ANTXRL: variants seen among roughly 807,000 people sequenced by gnomAD.
The protein encoded by ANTXRL is anthrax toxin receptor-like.
ANTXRL carries 63 observed loss-of-function variants against 75.4 expected under a neutral mutation model. The observed-to-expected ratio is 0.84, with a 90% confidence interval of 0.68 to 1.03. ANTXRL has a LOEUF of 1.03. Ranked by LOEUF, ANTXRL falls within the 50% of genes least tolerant of loss-of-function variation. ANTXRL has a pLI of 0.00. For synonymous variants in ANTXRL, 335 were observed against 291.3 expected (o/e 1.15, Z -1.53); for missense variants, 797 against 789.4 (o/e 1.01, Z -0.12).
At chr10:46,314,612 C>T (rs542446205) in intron 16 of ANTXRL, among the ~76,000 whole-genome samples, 147 of 151,972 alleles carry the variant, frequency 9.7e-4, no homozygotes, top group Non-Finnish European at 1.6e-3. Flanking sequence ...TTCCCAAGGG[C>T]AGCTCTTTGA....
chr10:46,315,154 G>A (rs1277294205), intron 16 of ANTXRL, among the ~76,000 whole-genome samples: 24 of 152,212 alleles, frequency 1.6e-4, no homozygotes, highest in Admixed American at 1.3e-3. Flanking sequence ...CCGTTTCAGA[G>A]CCACAGGGTC....
chr10:46,311,875 C>T (rs1838448884), intron 15 of ANTXRL, among the ~76,000 whole-genome samples: 1 of 151,996 alleles, frequency 6.6e-6, no homozygotes, highest in South Asian at 2.1e-4. Context: ...CTGTCCCCTG[C>T]ACCACCGGGT....
At chr10:46,295,878 G>A in intron 3 of ANTXRL, 141 bp from the exon 4 acceptor site, 1 of 718,206 alleles carries the variant, frequency 1.4e-6, no homozygotes, top group Admixed American at 2.2e-5. Flanking sequence ...AATGAGGAAT[G>A]AGGAGGACAA....
Position 46,307,414 on chromosome 10 carries a change from T to C in ANTXRL, c.978T>C (p.Ile326=), listed in dbSNP as rs1554962193. 6 of 1,535,992 alleles carry C rather than the reference T, an allele frequency of 3.9e-6. No individual in the cohort carries two copies. Among genetic ancestry groups the C allele is most frequent in the Non-Finnish European group, 5.2e-6 (6 of 1,146,560 alleles). The change falls in exon 12 of 17, where the codon ATT becomes ATC. Residue 326 remains isoleucine (I), a synonymous_variant. Coordinates refer to ENST00000620264, the MANE Select transcript of ANTXRL (RefSeq NM_001278688.3). The stretch of plus-strand genomic sequence containing the variant: ...TTCTATGCTTTAGGGAGTACTCTAT[T>C]GAAGTCAGCTTGAACAAAGGCAAAA... ...KLEKPGEEYS[I]EVSLNKGKTF...
chr10:46,322,117 C>T (rs1467040599), intron 16 of ANTXRL, among the ~76,000 whole-genome samples: 5 of 151,886 alleles, frequency 3.3e-5, no homozygotes, highest in African/African-American at 1.2e-4. Context: ...ATCAGCTTTC[C>T]CACATGGGAA....
At chr10:46,306,141 G>A (rs1838069449) in intron 10 of ANTXRL, among the ~76,000 whole-genome samples, 1 of 152,154 alleles carries the variant, frequency 6.6e-6, no homozygotes, top group Non-Finnish European at 1.5e-5. Context: ...TCAGCCCCAA[G>A]CACCTTTACC....
chr10:46,318,031 C>T (rs1299215686), intron 16 of ANTXRL, among the ~76,000 whole-genome samples: 1 of 152,124 alleles, frequency 6.6e-6, no homozygotes, highest in African/African-American at 2.4e-5. Context: ...CAACCCTGCT[C>T]CTCTTCATCA....
intron 1 of ANTXRL, among the ~76,000 whole-genome samples, chr10:46,290,355 G>C (rs74368641): frequency 3.3e-5 from 5 of 152,076 alleles, no homozygotes; most frequent in South Asian, 2.1e-4. Context: ...TTATCTTTTC[G>C]TCTGTTGATG....
intron 9 of ANTXRL, among the ~76,000 whole-genome samples, chr10:46,302,347 A>G (rs1837802199): frequency 1.3e-5 from 2 of 152,256 alleles, no homozygotes; most frequent in South Asian, 2.1e-4. Context: ...TACACCTGAC[A>G]TCAGGGAGGG....
intron 16 of ANTXRL, among the ~76,000 whole-genome samples, chr10:46,327,448 C>T (rs564444061): frequency 3.3e-5 from 5 of 152,112 alleles, no homozygotes; most frequent in Admixed American, 1.3e-4. Flanking sequence ...GGAGCCCAAT[C>T]GGGCATGAAG....
intron 11 of ANTXRL, 48 bp downstream of exon 11, chr10:46,306,920 G>A (rs1554962066): frequency 6.8e-7 from 1 of 1,460,060 alleles, no homozygotes; most frequent in Non-Finnish European, 9.1e-7. Flanking sequence ...CAGGGAGTCA[G>A]GGTTGGGCAC....
chr10:46,295,902 G>T (rs35544747), intron 3 of ANTXRL, 117 bp from the exon 4 acceptor site: 6 of 824,244 alleles, frequency 7.3e-6, no homozygotes, highest in Admixed American at 4.1e-5. Context: ...CCTTGCCTGG[G>T]CCCCTCCTTC....
chr10:46,293,917 G>A lies in ANTXRL; in HGVS notation c.392+17G>A. On this transcript the variant is annotated intron_variant, in intron 3 of 16. Coordinates refer to ENST00000620264, the MANE Select transcript of ANTXRL (RefSeq NM_001278688.3). ...CTCAGACAAGTGAGTGCTGCTTTGA[G>A]CCCCAAAGGGAGGCCTGATGAGCTT... 6.5e-7 allele frequency: 1 copy of A among 1,535,050 alleles called. No individual in the cohort carries two copies. The highest frequency in any genetic ancestry group is 8.7e-7 in the Non-Finnish European group (1 of 1,146,146).
intron 16 of ANTXRL, among the ~76,000 whole-genome samples, chr10:46,321,795 C>T (rs1191913450): frequency 3.9e-5 from 6 of 152,192 alleles, no homozygotes; most frequent in African/African-American, 1.4e-4. Context: ...GTGACTATTT[C>T]GTAAGGTATC....
intron 7 of ANTXRL, 64 bp downstream of exon 7, chr10:46,297,538 C>A: frequency 6.7e-7 from 1 of 1,488,886 alleles, no homozygotes; most frequent in Non-Finnish European, 9.0e-7. Context: ...AGCCAACCGT[C>A]CCGGGCCACC....
At chr10:46,294,044 C>T (rs1837219541) in intron 3 of ANTXRL, 144 bp downstream of exon 3, 4 of 689,230 alleles carry the variant, frequency 5.8e-6, no homozygotes, top group African/African-American at 5.4e-5. Context: ...CAGTACCCAC[C>T]TGACCTTAGC....
intron 1 of ANTXRL, among the ~76,000 whole-genome samples, chr10:46,290,419 G>A (rs79271291): frequency 1.3e-5 from 2 of 152,056 alleles, no homozygotes; most frequent in Admixed American, 1.3e-4. Flanking sequence ...TGCTATGAAC[G>A]CTGGTGTATA....
In ANTXRL at chr10:46,297,537, TC is replaced by T. The variant is rs1837454292; in HGVS notation, c.654+66del. On this transcript the variant is annotated intron_variant, in intron 7 of 16. Transcript: ENST00000620264. ...CTAGTGGTCACTTTCGAGCCAACCG[TC>T]CCGGGCCACCCCAAGGACGGTTGTC... The T allele has an allele frequency of 3.3e-6, 5 of 1,495,548 alleles. No homozygotes were observed. The Admixed American group carries it at 1.0e-4, about 30-fold the overall frequency. 92.6% of individuals were successfully genotyped at this position (1,495,548 alleles called of 1,614,324 possible).
intron 14 of ANTXRL, 46 bp from the exon 15 acceptor site, chr10:46,311,464 G>C: frequency 6.7e-7 from 1 of 1,494,828 alleles, no homozygotes; most frequent in Non-Finnish European, 8.9e-7. Context: ...GGCCAGCACT[G>C]TGCCCTGCCA....
Sources: gnomAD v4.1 joint callset for allele counts (sites outside exome capture counted in the v4.1 genomes callset) on GRCh38, gnomAD v4.1.1 for gene constraint, MANE v1.5 for transcripts, NCBI Gene and HGNC (gene_info 2026-07-23, HGNC 2026-07-21) for gene names.